Variants in PPP1R13B observed in about 807,000 individuals in gnomAD.
The protein encoded by PPP1R13B is apoptosis-stimulating of p53 protein 1.
In PPP1R13B, 44 loss-of-function variants were observed where a neutral mutation model predicts 119.8. The ratio of observed to expected loss-of-function variants is 0.37; its 90% confidence interval spans 0.29 to 0.47. PPP1R13B has a LOEUF of 0.47. Among genes scored for constraint, PPP1R13B ranks in the 20% least tolerant of loss-of-function variants. PPP1R13B has a pLI of 0.99. For synonymous variants in PPP1R13B, 542 were observed against 561.5 expected, an observed-to-expected ratio of 0.97 and a Z score of 0.49; for missense variants, 1,227 against 1,413.5, an observed-to-expected ratio of 0.87 and a Z score of 2.12.
chr14:103,824,953 T>G (rs1360603100), intron 1 of PPP1R13B, among the ~76,000 whole-genome samples: 1 of 120,154 alleles, frequency 8.3e-6, no homozygotes, highest in Non-Finnish European at 1.8e-5. Context: ...TTGCATTTTT[T>G]TTAACAAATT....
At chr14:103,804,161 T>A (rs1156671093) in intron 1 of PPP1R13B, 4 of 560,748 alleles carry the variant, frequency 7.1e-6, no homozygotes, top group Non-Finnish European at 9.0e-6. Flanking sequence ...GTTCTCCAGC[T>A]CAGTGCCTGG....
At chr14:103,762,719 C>A in intron 4 of PPP1R13B, 1 of 637,492 alleles carries the variant, frequency 1.6e-6, no homozygotes, top group Non-Finnish European at 2.9e-6. Context: ...TGGGTGTCGG[C>A]GGTGGCCGTG....
chr14:103,795,083 G>T (rs1436675925), intron 2 of PPP1R13B, among the ~76,000 whole-genome samples: 1 of 152,084 alleles, frequency 6.6e-6, no homozygotes, highest in Admixed American at 6.6e-5. Context: ...GACTATAGGC[G>T]TGTGCCACCA....
chr14:103,747,974 C>T (rs2084431304), intron 8 of PPP1R13B, among the ~76,000 whole-genome samples: 1 of 152,092 alleles, frequency 6.6e-6, no homozygotes, highest in Non-Finnish European at 1.5e-5. Flanking sequence ...CCAGCTGCAA[C>T]ATCCTCCCTG....
At chr14:103,846,458 G>GT (rs1265798230) in intron 1 of PPP1R13B, among the ~76,000 whole-genome samples, 5 of 152,132 alleles carry the variant, frequency 3.3e-5, no homozygotes, top group African/African-American at 1.2e-4. Flanking sequence ...TACTATAAAC[G>GT]TGTTTGAGAA....
intron 1 of PPP1R13B, among the ~76,000 whole-genome samples, chr14:103,811,483 T>G (rs1326980296): frequency 6.6e-6 from 1 of 151,052 alleles, no homozygotes; most frequent in Non-Finnish European, 1.5e-5. Flanking sequence ...AGCCCAAGAG[T>G]TCGAGAACAG....
At chr14:103,751,403 C>T (rs957292630) in intron 7 of PPP1R13B, among the ~76,000 whole-genome samples, 2 of 152,240 alleles carry the variant, frequency 1.3e-5, no homozygotes, top group African/African-American at 2.4e-5. Flanking sequence ...TAAATACCCT[C>T]ATTTCATAAA....
rs1205924973 is a variant in PPP1R13B, at chr14:103,847,071, C to G, written c.9+228G>C. The G allele has an allele frequency of 7.9e-6, 8 of 1,010,898 alleles. No individual in the cohort carries two copies. The East Asian group carries it at 7.5e-4, about 94-fold the overall frequency. The allele number at this position is 1,010,898 out of a possible 1,614,324, so 62.6% of individuals were successfully genotyped here. A position where few individuals can be genotyped will look rare whatever the true frequency, so the allele number is the denominator to read the frequency against. On this transcript the variant is annotated intron_variant, in intron 1 of 16. Coordinates refer to ENST00000202556, the MANE Select transcript of PPP1R13B (RefSeq NM_015316.3). ...TGCTTCTCCCCGCGGCCGCGGAGGC[C>G]GAGCAGGAAGGGCCCGCAGGCGGCC... is the stretch of plus-strand genomic sequence containing the variant.
Position 103,797,429 on chromosome 14 carries a change from T to C in PPP1R13B, c.99A>G (p.Glu33=). 6.2e-7 allele frequency: 1 copy of C among 1,614,130 alleles called. No individual in the cohort carries two copies. Among genetic ancestry groups the C allele is most frequent in the Non-Finnish European group, 8.5e-7 (1 of 1,180,004 alleles). The change falls in exon 2 of 17, where the codon GAA becomes GAG. Residue 33 remains glutamate (E), a synonymous_variant. Coordinates refer to ENST00000202556, the MANE Select transcript of PPP1R13B (RefSeq NM_015316.3). The stretch of plus-strand genomic sequence containing the variant: ...TGCCTTCTCCAGGTTCCTTGCAAAA[T>C]TCTACAACATCTCGACAGGTTGTTT... ...TPETTCRDVV[E]FCKEPGEGSC...
At chr14:103,781,779 G>A (rs2085342620) in intron 3 of PPP1R13B, among the ~76,000 whole-genome samples, 1 of 152,146 alleles carries the variant, frequency 6.6e-6, no homozygotes, top group Non-Finnish European at 1.5e-5. Flanking sequence ...AGCCTCCTGA[G>A]TAGCTGGGAC....
At chr14:103,768,876 TC>T in intron 4 of PPP1R13B, among the ~76,000 whole-genome samples, 1 of 152,274 alleles carries the variant, frequency 6.6e-6, no homozygotes. Flanking sequence ...GCTCTCAGTA[TC>T]TCTTTAAACT....
intron 1 of PPP1R13B, among the ~76,000 whole-genome samples, chr14:103,832,969 G>A (rs1464821708): frequency 2.0e-5 from 3 of 151,238 alleles, no homozygotes; most frequent in East Asian, 1.9e-4. Flanking sequence ...GTGACAGAGC[G>A]AGATTATGTC....
At chr14:103,747,802 G>A (rs535760942) in intron 8 of PPP1R13B, among the ~76,000 whole-genome samples, 2 of 152,232 alleles carry the variant, frequency 1.3e-5, no homozygotes, top group South Asian at 4.1e-4. Context: ...TAGAATAATA[G>A]TCTCCAATCT....
intron 5 of PPP1R13B, among the ~76,000 whole-genome samples, chr14:103,757,238 G>A (rs2084699711): frequency 6.6e-6 from 1 of 151,830 alleles, no homozygotes; most frequent in South Asian, 2.1e-4. Flanking sequence ...ACTTTTTGTA[G>A]AGACAGGGTC....
intron 12 of PPP1R13B, among the ~76,000 whole-genome samples, chr14:103,739,550 G>T (rs1378793744): frequency 6.6e-6 from 1 of 152,194 alleles, no homozygotes; most frequent in Non-Finnish European, 1.5e-5. Flanking sequence ...GCCAGCGACA[G>T]CTCCCCTTCC....
intron 9 of PPP1R13B, among the ~76,000 whole-genome samples, 163 bp downstream of exon 9, chr14:103,746,210 A>G (rs963005700): frequency 2.6e-5 from 4 of 152,212 alleles, no homozygotes; most frequent in African/African-American, 7.2e-5. Context: ...TTGTTACCAC[A>G]GGGGAACACA....
intron 1 of PPP1R13B, among the ~76,000 whole-genome samples, chr14:103,812,632 T>G (rs2086187302): frequency 6.6e-6 from 1 of 151,970 alleles, no homozygotes; most frequent in South Asian, 2.1e-4. Context: ...TTGGCCAGGC[T>G]GGTCTCGAAC....
chr14:103,745,851 C>T (rs2084373312), intron 9 of PPP1R13B, among the ~76,000 whole-genome samples: 1 of 152,142 alleles, frequency 6.6e-6, no homozygotes, highest in South Asian at 2.1e-4. Flanking sequence ...ACTCTTGTTG[C>T]CCAGGCTGAA....
chr14:103,765,236 T>C (rs887677650), intron 4 of PPP1R13B, among the ~76,000 whole-genome samples: 6 of 152,226 alleles, frequency 3.9e-5, no homozygotes, highest in Non-Finnish European at 5.9e-5. Flanking sequence ...ATACTGGTCA[T>C]TGTATTCAGA....
Sources: gnomAD v4.1 joint callset for allele counts (sites outside exome capture counted in the v4.1 genomes callset) on GRCh38, gnomAD v4.1.1 for gene constraint, MANE v1.5 for transcripts, NCBI Gene and HGNC (gene_info 2026-07-23, HGNC 2026-07-21) for gene names.